The following DENND1A variants were observed in gnomAD, a reference collection of about 807,000 sequenced individuals.
DENND1A encodes the protein DENN domain containing 1A, also known as DENN domain-containing protein 1A.
DENND1A carries 51 observed loss-of-function variants against 113.7 expected under a neutral mutation model. The ratio of observed to expected loss-of-function variants is 0.45; its 90% confidence interval spans 0.36 to 0.57. DENND1A has a LOEUF of 0.57. DENND1A is among the 20% of genes least tolerant of loss of function. DENND1A has a pLI of 0.00. For missense variants in DENND1A, 1,258 were observed against 1,395.9 expected, an observed-to-expected ratio of 0.90 and a Z score of 1.57; for synonymous variants, 565 against 570.8, an observed-to-expected ratio of 0.99 and a Z score of 0.14.
At chr9:123,816,619 A>G (rs1837533178) in intron 2 of DENND1A, among the ~76,000 whole-genome samples, 1 of 152,238 alleles carries the variant, frequency 6.6e-6, no homozygotes, top group African/African-American at 2.4e-5. Flanking sequence ...AACAAATATT[A>G]GAAATCAATT....
intron 3 of DENND1A, among the ~76,000 whole-genome samples, chr9:123,770,867 CA>C (rs1437553627): frequency 6.6e-6 from 1 of 152,106 alleles, no homozygotes; most frequent in Non-Finnish European, 1.5e-5. Flanking sequence ...TTTTTAAAAC[CA>C]GTTCTATCAT....
chr9:123,741,002 A>G (rs1379992364), intron 5 of DENND1A, among the ~76,000 whole-genome samples: 8 of 151,368 alleles, frequency 5.3e-5, no homozygotes, highest in Non-Finnish European at 1.0e-4. Flanking sequence ...TATTCATTCA[A>G]TAAGTACTTA....
chr9:123,865,480 A>C (rs1185594423), intron 2 of DENND1A, among the ~76,000 whole-genome samples: 1 of 152,214 alleles, frequency 6.6e-6, no homozygotes, highest in Middle Eastern at 3.2e-3. Flanking sequence ...GACTGGTCCC[A>C]GGGCCCCTCC....
At chr9:123,403,645 A>G (rs1288487382) in intron 20 of DENND1A, 155 bp from the exon 21 acceptor site, 2 of 648,510 alleles carry the variant, frequency 3.1e-6, no homozygotes, top group Non-Finnish European at 5.5e-6. Context: ...CAGAAACATC[A>G]CCATCTAATA....
chr9:123,671,413 G>GCCCTTAGT, intron 6 of DENND1A, 42 bp from the exon 7 acceptor site: 1 of 1,602,986 alleles, frequency 6.2e-7, no homozygotes, highest in Middle Eastern at 1.7e-4. Context: ...GCAAGGCTGA[G>GCCCTTAGT]CCCTTAGTAA....
intron 1 of DENND1A, among the ~76,000 whole-genome samples, chr9:123,899,566 T>C (rs1851280279): frequency 6.6e-6 from 1 of 152,202 alleles, no homozygotes; most frequent in African/African-American, 2.4e-5. Flanking sequence ...TCCCTGTCTA[T>C]TCTGGAATGT....
chr9:123,583,389 T>G, intron 11 of DENND1A, 119 bp from the exon 12 acceptor site: 1 of 678,054 alleles, frequency 1.5e-6, no homozygotes, highest in Non-Finnish European at 2.5e-6. Context: ...AAAGTCTTAC[T>G]CTGCAGCAGG....
chr9:123,769,575 AAG>A lies in DENND1A; in HGVS notation c.133-14_133-13del, dbSNP rs763183682. On this transcript the variant is annotated splice_polypyrimidine_tract_variant and intron_variant, in intron 3 of 23. Transcript: ENST00000394215. ...GTCTGTAGAACTTCCTGTGGAGAGA[AAG>A]AGAGATAATTTATACATCTAATGGG... 9 of 1,605,640 alleles carry A rather than the reference AAG, an allele frequency of 5.6e-6. No homozygotes were observed. The South Asian group carries it at 1.0e-4, about 18-fold the overall frequency.
intron 5 of DENND1A, among the ~76,000 whole-genome samples, chr9:123,695,982 C>CAAA (rs59667113): frequency 0.056 from 6,003 of 106,464 alleles, 189 homozygotes; most frequent in African/African-American, 0.1. Context: ...TCTGTTAATA[C>CAAA]AAAAAAAAAA....
chr9:123,643,801 T>C (rs80129328), intron 9 of DENND1A, among the ~76,000 whole-genome samples: 3,544 of 152,332 alleles, frequency 0.023, 58 homozygotes, highest in South Asian at 0.058. Context: ...AATTCACAGA[T>C]CTGCCTCCTG....
intron 13 of DENND1A, among the ~76,000 whole-genome samples, chr9:123,458,656 T>C (rs2048318659): frequency 6.6e-6 from 1 of 152,132 alleles, no homozygotes; most frequent in South Asian, 2.1e-4. Context: ...TCAGATAGGA[T>C]TTTATGCAGA....
intron 12 of DENND1A, among the ~76,000 whole-genome samples, chr9:123,582,731 G>A (rs1296699200): frequency 2.1e-5 from 3 of 145,458 alleles, no homozygotes; most frequent in South Asian, 2.2e-4. Flanking sequence ...ATGGAGTCTC[G>A]CTCTGTCACC....
intron 5 of DENND1A, among the ~76,000 whole-genome samples, chr9:123,757,422 A>G (rs2070664333): frequency 6.6e-6 from 1 of 152,208 alleles, no homozygotes; most frequent in Admixed American, 6.5e-5. Context: ...TAACAGCAGA[A>G]GGCACTGAAG....
At chr9:123,489,797 C>A (rs117326603) in intron 13 of DENND1A, among the ~76,000 whole-genome samples, 64 of 152,246 alleles carry the variant, frequency 4.2e-4, no homozygotes, top group Non-Finnish European at 8.7e-4. Flanking sequence ...TCCTTATGGG[C>A]AAAATGGAAA....
intron 2 of DENND1A, among the ~76,000 whole-genome samples, chr9:123,844,916 G>A (rs1564377152): frequency 5.3e-5 from 8 of 152,104 alleles, no homozygotes; most frequent in Non-Finnish European, 4.4e-5. Context: ...AATTACAATT[G>A]TCAATTAATT....
chr9:123,903,741 AT>A (rs1406523877), intron 1 of DENND1A, among the ~76,000 whole-genome samples: 1 of 152,204 alleles, frequency 6.6e-6, no homozygotes, highest in African/African-American at 2.4e-5. Flanking sequence ...TGTCTCGCTG[AT>A]TGCTAGCACA....
chr9:123,699,613 T>G (rs1208606891), intron 5 of DENND1A, among the ~76,000 whole-genome samples: 1 of 151,912 alleles, frequency 6.6e-6, no homozygotes, highest in South Asian at 2.1e-4. Flanking sequence ...CAAAACTCAG[T>G]TCCTTTTTTT....
At chr9:123,683,483 T>C (rs1386236037) in intron 5 of DENND1A, among the ~76,000 whole-genome samples, 4 of 152,212 alleles carry the variant, frequency 2.6e-5, no homozygotes, top group African/African-American at 9.7e-5. Flanking sequence ...TGATGCATTA[T>C]TCTTTCTAAG....
In DENND1A at chr9:123,568,840, T is replaced by TAATAG. The variant is rs1473953796; in HGVS notation, c.868-11150_868-11146dup. 3.3e-5 allele frequency among the ~76,000 whole-genome samples: 5 copies of TAATAG among 152,140 alleles called. No homozygotes were observed. The East Asian group carries it at 9.7e-4, about 29-fold the overall frequency. On this transcript the variant is annotated intron_variant, in intron 12 of 23. Coordinates refer to ENST00000394215, the MANE Select transcript of DENND1A (RefSeq NM_001352964.2). ...CAGGAAGGGGGGTGGGAAGTGTGTA[T>TAATAG]AATAGATGTGTTTCACAGTGTCCCC...
Sources: allele counts gnomAD v4.1 joint callset (sites outside exome capture counted in the v4.1 genomes callset), GRCh38; gene constraint gnomAD v4.1.1; transcripts MANE v1.5; gene names NCBI Gene and HGNC (gene_info 2026-07-23, HGNC 2026-07-21).